PDE1A: variants seen among roughly 807,000 people sequenced by gnomAD.
The protein encoded by PDE1A is dual specificity calcium/calmodulin-dependent 3',5'-cyclic nucleotide phosphodiesterase 1A.
A neutral mutation model predicts 61.7 loss-of-function variants in PDE1A; 35 were observed. The ratio of observed to expected loss-of-function variants is 0.57; its 90% CI spans 0.43 to 0.75. The LOEUF (loss-of-function observed/expected upper bound fraction) is 0.75, where lower values mean the gene tolerates loss of function less well. Ranked by LOEUF, PDE1A falls within the 30% of genes least tolerant of loss-of-function variation. PDE1A has a pLI of 0.00. For missense variants in PDE1A, 597 were observed against 630.6 expected, an observed-to-expected ratio of 0.95 and a Z score of 0.57; for synonymous variants, 232 against 213.2, an observed-to-expected ratio of 1.09 and a Z score of -0.77.
At chr2:182,466,400 T>G (rs1686669981) in intron 2 of PDE1A, among the ~76,000 whole-genome samples, 1 of 152,040 alleles carries the variant, frequency 6.6e-6, no homozygotes, top group Non-Finnish European at 1.5e-5. Flanking sequence ...AAAATGTTTG[T>G]CATTGATAAC....
chr2:182,163,066 G>A (rs546482815), downstream of PDE1A, among the ~76,000 whole-genome samples: 9 of 152,254 alleles, frequency 5.9e-5, no homozygotes, highest in Non-Finnish European at 1.2e-4. Flanking sequence ...TGCAGAGGTG[G>A]TGATTTTCAC....
the PDE1A span, among the ~76,000 whole-genome samples, chr2:182,590,920 C>T: frequency 6.6e-6 from 1 of 152,156 alleles, no homozygotes; most frequent in Non-Finnish European, 1.5e-5. Context: ...TTTCTAATAC[C>T]ACCCACAGTA....
At chr2:182,506,571 G>A (rs1205445639) in intron 2 of PDE1A, among the ~76,000 whole-genome samples, 2 of 152,154 alleles carry the variant, frequency 1.3e-5, no homozygotes, top group African/African-American at 4.8e-5. Context: ...ATTAGCAAAT[G>A]TTTCAGAGCT....
the PDE1A span, among the ~76,000 whole-genome samples, chr2:182,537,414 C>A: frequency 6.6e-6 from 1 of 152,056 alleles, no homozygotes; most frequent in Admixed American, 6.6e-5. Flanking sequence ...AACCAAACAC[C>A]GCATGTTCTC....
At chr2:182,614,779 A>G in the PDE1A span, among the ~76,000 whole-genome samples, 2 of 151,890 alleles carry the variant, frequency 1.3e-5, no homozygotes, top group South Asian at 4.2e-4. Context: ...CTGGTCTTGA[A>G]CTCCTAACAT....
At chr2:182,616,299 C>A in the PDE1A span, among the ~76,000 whole-genome samples, 1 of 152,176 alleles carries the variant, frequency 6.6e-6, no homozygotes, top group East Asian at 1.9e-4. Context: ...CTCCTATTAT[C>A]CCCATTTTAC....
the PDE1A span, among the ~76,000 whole-genome samples, chr2:182,600,799 A>G: frequency 6.6e-6 from 1 of 152,158 alleles, no homozygotes; most frequent in Admixed American, 6.5e-5. Flanking sequence ...TCTTCTTCCT[A>G]TATCCTTTTC....
At chr2:182,227,476 A>G (rs933895661) in intron 6 of PDE1A, among the ~76,000 whole-genome samples, 2 of 152,104 alleles carry the variant, frequency 1.3e-5, no homozygotes, top group African/African-American at 4.8e-5. Context: ...GAGGTTTGAC[A>G]CTATTTTTCT....
chr2:182,208,959 C>A (rs1687349548), intron 7 of PDE1A, among the ~76,000 whole-genome samples: 1 of 152,078 alleles, frequency 6.6e-6, no homozygotes, highest in Non-Finnish European at 1.5e-5. Flanking sequence ...TCACATGAGG[C>A]TTTGGAGTTG....
At chr2:182,522,506 A>T (rs1226037348) in intron 1 of PDE1A, 4 of 1,485,324 alleles carry the variant, frequency 2.7e-6, no homozygotes, top group East Asian at 4.8e-5. Context: ...CTGATGTACA[A>T]AGCTGAGGGA....
chr2:182,590,046 G>A, the PDE1A span, among the ~76,000 whole-genome samples: 7,431 of 152,220 alleles, frequency 0.049, 218 homozygotes, highest in Middle Eastern at 0.085. Flanking sequence ...ACAAGTTATA[G>A]GTGTCCTTTC....
At chr2:182,481,454 G>T (rs922459749) in intron 2 of PDE1A, among the ~76,000 whole-genome samples, 1 of 151,852 alleles carries the variant, frequency 6.6e-6, no homozygotes, top group African/African-American at 2.4e-5. Context: ...TATGAAGTCT[G>T]AAGTGAAAAA....
At chr2:182,698,644 CAT>C in the PDE1A span, among the ~76,000 whole-genome samples, 2 of 152,104 alleles carry the variant, frequency 1.3e-5, no homozygotes, top group African/African-American at 4.8e-5. Context: ...TGAATGATGA[CAT>C]AAAAGTGCTC....
chr2:182,578,979 G>A, the PDE1A span, among the ~76,000 whole-genome samples: 1 of 152,138 alleles, frequency 6.6e-6, no homozygotes, highest in Non-Finnish European at 1.5e-5. Flanking sequence ...CAAGTTTTAG[G>A]CAATGGAGTT....
At chr2:182,695,510 C>CA in the PDE1A span, among the ~76,000 whole-genome samples, 2 of 151,584 alleles carry the variant, frequency 1.3e-5, no homozygotes, top group Admixed American at 6.6e-5. Flanking sequence ...ACTAAAACTA[C>CA]AAAAAAATTA....
chr2:182,488,504 T>C (rs528551631), intron 2 of PDE1A, among the ~76,000 whole-genome samples: 83 of 152,316 alleles, frequency 5.4e-4, no homozygotes, highest in African/African-American at 1.9e-3. Flanking sequence ...TTTCAAAGTG[T>C]TTTGTTATGC....
the PDE1A span, among the ~76,000 whole-genome samples, chr2:182,612,242 T>G: frequency 6.6e-6 from 1 of 152,194 alleles, no homozygotes; most frequent in African/African-American, 2.4e-5. Flanking sequence ...GCTAATCAGG[T>G]TGCTTAGACA....
intron 13 of PDE1A, among the ~76,000 whole-genome samples, chr2:182,171,890 A>T (rs1052138300): frequency 6.6e-6 from 1 of 151,864 alleles, no homozygotes; most frequent in Middle Eastern, 3.4e-3. Flanking sequence ...TCCCTTCCCC[A>T]TTATTACCTC....
chr2:182,527,729 G>A (rs1285692755), upstream of PDE1A, among the ~76,000 whole-genome samples: 1 of 152,006 alleles, frequency 6.6e-6, no homozygotes, highest in Non-Finnish European at 1.5e-5. Context: ...ATTTTGAATT[G>A]TAGCTCCCAT....
Sources: gnomAD v4.1 joint callset for allele counts (sites outside exome capture counted in the v4.1 genomes callset) on GRCh38, gnomAD v4.1.1 for gene constraint, MANE v1.5 for transcripts, NCBI Gene and HGNC (gene_info 2026-07-23, HGNC 2026-07-21) for gene names.